NPAS3: variants seen among roughly 807,000 people sequenced by gnomAD.
NPAS3 encodes the protein neuronal PAS domain-containing protein 3.
NPAS3 carries 14 observed loss-of-function variants against 73.1 expected under a neutral mutation model. The ratio of observed to expected loss-of-function variants is 0.19; its 90% CI spans 0.13 to 0.30. The LOEUF (loss-of-function observed/expected upper bound fraction) is 0.30. NPAS3 is among the 10% of genes least tolerant of loss of function. The pLI is 1.00. For synonymous variants in NPAS3, 620 were observed against 541.5 expected, an observed-to-expected ratio of 1.14 and a Z score of -2.01; for missense variants, 1,096 against 1,250.0, an observed-to-expected ratio of 0.88 and a Z score of 1.86.
chr14:32,942,460 T>C (rs2139064867), intron 1 of NPAS3, among the ~76,000 whole-genome samples: 1 of 152,360 alleles, frequency 6.6e-6, no homozygotes, highest in South Asian at 2.1e-4. Flanking sequence ...ACAGAAAGTG[T>C]CTCTTTAGAG....
intron 4 of NPAS3, among the ~76,000 whole-genome samples, chr14:33,513,025 G>A (rs1328936662): frequency 6.6e-6 from 1 of 151,994 alleles, no homozygotes; most frequent in Non-Finnish European, 1.5e-5. Context: ...GTTTTACCTC[G>A]AATTCAGTGG....
intron 2 of NPAS3, among the ~76,000 whole-genome samples, chr14:33,183,115 TC>T (rs369140566): frequency 6.0e-4 from 91 of 152,272 alleles, no homozygotes; most frequent in African/African-American, 2.1e-3. Context: ...CTTCTTTAAC[TC>T]TCGATGTACC....
At chr14:33,380,672 C>T (rs760751385) in intron 4 of NPAS3, among the ~76,000 whole-genome samples, 1 of 152,120 alleles carries the variant, frequency 6.6e-6, no homozygotes, top group African/African-American at 2.4e-5. Flanking sequence ...GAAAAATAAA[C>T]ATTTGGGAGA....
intron 1 of NPAS3, among the ~76,000 whole-genome samples, chr14:33,029,752 C>A (rs2039927136): frequency 6.6e-6 from 1 of 152,166 alleles, no homozygotes; most frequent in African/African-American, 2.4e-5. Context: ...ACTGGCATAA[C>A]AGTGGTGTGA....
chr14:33,081,538 T>C (rs2041863839), intron 2 of NPAS3, among the ~76,000 whole-genome samples: 1 of 152,218 alleles, frequency 6.6e-6, no homozygotes, highest in Non-Finnish European at 1.5e-5. Flanking sequence ...TAGAGACTTC[T>C]TCTATGTCGT....
chr14:33,688,755 T>G (rs2140397165), intron 6 of NPAS3, among the ~76,000 whole-genome samples: 1 of 152,308 alleles, frequency 6.6e-6, no homozygotes, highest in East Asian at 1.9e-4. Context: ...GTCACATCTC[T>G]TTTCCACCCC....
At position 33,509,699 on chromosome 14, in the gene NPAS3, T is replaced by C. The variant is rs530007734; in HGVS notation, c.469-50422T>C. Reference sequence around the variant, plus strand: ...AGGAAAGAGTAACAAGTCCAGTTACTCTGGTCTTCAGTGTACTGGCAAGAT... The same window carrying C: ...AGGAAAGAGTAACAAGTCCAGTTACCCTGGTCTTCAGTGTACTGGCAAGAT... On this transcript the variant is annotated intron_variant, in intron 4 of 11. Transcript: ENST00000356141. 2.6e-5 allele frequency among the ~76,000 whole-genome samples: 4 copies of C among 152,046 alleles called. No individual in the cohort carries two copies. In the East Asian group the frequency reaches 7.8e-4, roughly 30 times the overall value.
chr14:33,410,935 C>T (rs933818220), intron 4 of NPAS3, among the ~76,000 whole-genome samples: 2 of 151,990 alleles, frequency 1.3e-5, no homozygotes, highest in Non-Finnish European at 2.9e-5. Flanking sequence ...AGTGAGCCAC[C>T]GCATCCAGCT....
rs545822860 is a variant in NPAS3, at chr14:33,105,764, A to AC, written c.140+49770_140+49771insC. On this transcript the variant is annotated intron_variant, in intron 2 of 11. Transcript: ENST00000356141. ...CATATATCGTTATTTAGGAAAAAAA[A>AC]AGATCAAAACTATGCTCCTGAAACA... Among the ~76,000 whole-genome samples the AC allele has an allele frequency of 7.0e-4, 106 of 152,224 alleles. 1 individual carries two copies. In the South Asian group the frequency reaches 0.015, roughly 22 times the overall value.
At chr14:33,341,827 A>T (rs1366094585) in intron 3 of NPAS3, among the ~76,000 whole-genome samples, 1 of 152,168 alleles carries the variant, frequency 6.6e-6, no homozygotes, top group African/African-American at 2.4e-5. Flanking sequence ...TTTTGGAGAG[A>T]TTAGAAGGGT....
At chr14:33,440,390 T>TGTCCCCC (rs1206058662) in intron 4 of NPAS3, among the ~76,000 whole-genome samples, 1 of 152,156 alleles carries the variant, frequency 6.6e-6, no homozygotes, top group Non-Finnish European at 1.5e-5. Flanking sequence ...ACTGCAACCC[T>TGTCCCCC]GTCCCCCGAC....
At chr14:33,438,457 A>G (rs2049089635) in intron 4 of NPAS3, among the ~76,000 whole-genome samples, 1 of 152,348 alleles carries the variant, frequency 6.6e-6, no homozygotes, top group Admixed American at 6.5e-5. Flanking sequence ...AGATTTTTCA[A>G]TAGTTAAACA....
intron 5 of NPAS3, among the ~76,000 whole-genome samples, chr14:33,644,187 C>T (rs965864171): frequency 2.0e-5 from 3 of 152,152 alleles, no homozygotes; most frequent in Non-Finnish European, 2.9e-5. Flanking sequence ...ACACACTGAT[C>T]AAAATGTGCC....
chr14:33,384,207 T>C (rs2046677161), intron 4 of NPAS3, among the ~76,000 whole-genome samples: 1 of 152,090 alleles, frequency 6.6e-6, no homozygotes, highest in Non-Finnish European at 1.5e-5. Context: ...GGAGGGTCCG[T>C]TTTATTTTAA....
At chr14:33,226,718 A>C (rs1331144509) in intron 3 of NPAS3, among the ~76,000 whole-genome samples, 1 of 152,190 alleles carries the variant, frequency 6.6e-6, no homozygotes, top group Non-Finnish European at 1.5e-5. Flanking sequence ...ATGCTACCGT[A>C]CTAAGTGCTT....
intron 4 of NPAS3, among the ~76,000 whole-genome samples, chr14:33,524,381 C>G (rs550972849): frequency 6.6e-4 from 101 of 152,288 alleles, no homozygotes; most frequent in African/African-American, 2.3e-3. Context: ...CTCTCTATAG[C>G]AGACACTCAA....
intron 3 of NPAS3, among the ~76,000 whole-genome samples, chr14:33,349,339 G>A (rs575998416): frequency 2.0e-5 from 3 of 152,288 alleles, no homozygotes; most frequent in Admixed American, 6.5e-5. Context: ...AGACATTATC[G>A]TCAAATTCTT....
upstream of NPAS3, among the ~76,000 whole-genome samples, chr14:32,938,823 GGCCGCCTCCCCCCGCCGCCGCC>G (rs1473088489): frequency 7.5e-5 from 11 of 146,446 alleles, no homozygotes; most frequent in African/African-American, 2.5e-4. Context: ...GGGACCGCGC[GGCCGCCTCCCCCCGCCGCCGCC>G]GCCGCCTCCC....
Position 33,334,993 on chromosome 14 carries a change from A to G in NPAS3, c.386-32193A>G, listed in dbSNP as rs960056160. Among the ~76,000 whole-genome samples, 5 of 150,488 alleles carry G rather than the reference A, an allele frequency of 3.3e-5. No homozygotes were observed. In the East Asian group the frequency reaches 7.8e-4, roughly 23 times the overall value. On this transcript the variant is annotated intron_variant, in intron 3 of 11. Transcript: ENST00000356141. ...TTCCATCCAGGTTGCAATGAATGCC[A>G]TTATTTTGTTTCTTGCTATGGCTTA...
Sources: allele counts gnomAD v4.1 joint callset (sites outside exome capture counted in the v4.1 genomes callset), GRCh38; gene constraint gnomAD v4.1.1; transcripts MANE v1.5; gene names NCBI Gene and HGNC (gene_info 2026-07-23, HGNC 2026-07-21).